Variants in USP35 observed in about 807,000 individuals in gnomAD.
The protein encoded by USP35 is ubiquitin specific peptidase 35, also known as ubiquitin carboxyl-terminal hydrolase 35.
A neutral mutation model predicts 83.8 loss-of-function variants in USP35; 69 were observed. The observed-to-expected ratio is 0.82, with a 90% CI of 0.68 to 1.01. USP35 has a LOEUF of 1.01. USP35 is among the 50% of genes least tolerant of loss of function. The pLI is 0.00. For missense variants in USP35, 1,503 were observed against 1,362.5 expected (o/e 1.10, Z -1.62); for synonymous variants, 714 against 589.5 (o/e 1.21, Z -3.06).
chr11:78,221,992 T>A, the USP35 span: 2 of 770,558 alleles, frequency 2.6e-6, no homozygotes, highest in Non-Finnish European at 4.7e-6. Flanking sequence ...GATCAGCTAA[T>A]GATAGCGTTA....
downstream of USP35, chr11:78,219,193 G>A (rs1277903224): frequency 1.5e-6 from 2 of 1,349,666 alleles, no homozygotes; most frequent in African/African-American, 1.4e-5. Context: ...ATGGGAGGAA[G>A]AACGGGAGAG....
intron 10 of USP35, among the ~76,000 whole-genome samples, chr11:78,211,996 C>T (rs1863798883): frequency 2.6e-5 from 4 of 152,098 alleles, no homozygotes; most frequent in Admixed American, 2.6e-4. Context: ...TTTGATGTTT[C>T]CATCATTAAA....
the USP35 span, among the ~76,000 whole-genome samples, chr11:78,233,656 G>A: frequency 6.6e-6 from 1 of 152,112 alleles, no homozygotes; most frequent in Non-Finnish European, 1.5e-5. Flanking sequence ...GCCCAAGCTA[G>A]AGTGCAGTGG....
At chr11:78,221,921 G>A in the USP35 span, 6 of 683,900 alleles carry the variant, frequency 8.8e-6, no homozygotes, top group African/African-American at 8.9e-5. Context: ...ATCTGATATA[G>A]GGCAGGTATA....
chr11:78,215,883 A>G (rs1364429907), downstream of USP35: 1 of 152,714 alleles, frequency 6.5e-6, no homozygotes, highest in African/African-American at 2.4e-5. Context: ...TGCTGGGCCG[A>G]GATGTCCCCA....
chr11:78,197,168 G>T (rs1257376777), intron 2 of USP35, among the ~76,000 whole-genome samples: 1 of 143,742 alleles, frequency 7.0e-6, no homozygotes, highest in African/African-American at 2.5e-5. Flanking sequence ...GTGTGAAAAG[G>T]ATACGGGTCA....
At chr11:78,233,678 C>T in the USP35 span, among the ~76,000 whole-genome samples, 1 of 152,198 alleles carries the variant, frequency 6.6e-6, no homozygotes, top group Non-Finnish European at 1.5e-5. Context: ...GCCATCTTGG[C>T]TCACTGCAAC....
the USP35 span, chr11:78,220,268 C>T: frequency 1.2e-6 from 2 of 1,605,354 alleles, no homozygotes; most frequent in Non-Finnish European, 1.7e-6. Flanking sequence ...ATGATCTCTG[C>T]CTCCGGGACC....
chr11:78,222,186 G>A, the USP35 span: 3 of 1,612,948 alleles, frequency 1.9e-6, no homozygotes, highest in South Asian at 1.1e-5. Flanking sequence ...GTCAAGTGGT[G>A]TTGGCTTTGC....
Position 78,200,788 on chromosome 11 carries a change from C to T in USP35, c.1177C>T (p.Pro393Ser). The T allele has an allele frequency of 2.5e-6, 4 of 1,611,866 alleles. No homozygotes were observed. The highest frequency in any genetic ancestry group is 3.4e-6 in the Non-Finnish European group (4 of 1,178,502). ...CCCGGGCTTCCCGGATCTGTATGAGCCTGTCATGGAGGCCATCAAGGTGAG... is the reference window on the plus strand; with the variant it reads ...CCCGGGCTTCCCGGATCTGTATGAGTCTGTCATGGAGGCCATCAAGGTGAG... ...RFPGFPDLYEPVMEAIKDLHV... is the reference protein window; with the variant it reads ...RFPGFPDLYESVMEAIKDLHV... The change falls in exon 6 of 11, where the codon CCT (proline) becomes TCT (serine). Residue 393 changes from proline to serine, a missense_variant. Physicochemically the swap from Pro to Ser is moderately conservative, Grantham distance 74. Transcript: ENST00000529308.
intron 1 of USP35, among the ~76,000 whole-genome samples, chr11:78,192,179 A>G (rs1244859822): frequency 6.6e-6 from 1 of 152,188 alleles, no homozygotes; most frequent in East Asian, 1.9e-4. Flanking sequence ...ATGACTTTGA[A>G]GCAGAAAACC....
Position 78,210,250 on chromosome 11 carries a change from C to T in USP35, c.2395C>T (p.Gln799Ter). 1 of 1,614,152 alleles carries T rather than the reference C, an allele frequency of 6.2e-7. No homozygotes were observed. The highest frequency in any genetic ancestry group is 8.5e-7 in the Non-Finnish European group (1 of 1,180,024). The part of the protein sequence containing the change: ...QDAEKVVELS[Q>*]GPCYLILTLL... ...TGCCGAGAAGGTGGTGGAGCTGAGC[C>T]AAGGGCCGTGCTACCTCATCCTCAC... is the stretch of plus-strand genomic sequence containing the variant. The change falls in exon 10 of 11, where the codon CAA (glutamine) becomes TAA (stop). Residue 799 changes from glutamine to a stop codon, truncating the protein, a stop_gained. Transcript: ENST00000529308. LOFTEE classifies it high-confidence loss of function.
chr11:78,198,627 G>A (rs1863231674), intron 3 of USP35: 2 of 985,406 alleles, frequency 2.0e-6, no homozygotes, highest in Non-Finnish European at 2.4e-6. Context: ...GCCTCCCTCT[G>A]CCATTCTTTC....
rs1309002927 is a variant in USP35 at position 78,213,847 on chromosome 11, C to T, written c.*34C>T. On this transcript the variant is annotated 3_prime_UTR_variant, in exon 11 of 11. Transcript: ENST00000529308. The stretch of plus-strand genomic sequence containing the variant: ...TGCTGCCAACCTGACCCCTTCCCTC[C>T]AGGAGCCAGGTAGGGCCTGAGGGAA... 5.9e-6 allele frequency: 9 copies of T among 1,532,194 alleles called. No individual in the cohort carries two copies. The highest frequency in any genetic ancestry group is 1.7e-4 in the Middle Eastern group (1 of 5,806). The allele number at this position is 1,532,194 out of a possible 1,614,324, so 94.9% of individuals were successfully genotyped here.
chr11:78,220,273 G>C, the USP35 span: 1 of 1,607,888 alleles, frequency 6.2e-7, no homozygotes, highest in Non-Finnish European at 8.5e-7. Flanking sequence ...CTCTGCCTCC[G>C]GGACCCTGAG....
rs559594394 is a variant in USP35 at position 78,200,665 on chromosome 11, C to T, written c.1054C>T (p.Pro352Ser). The change falls in exon 6 of 11, where the codon CCC becomes TCC. Residue 352 changes from proline to serine, a missense_variant. Coordinates refer to ENST00000529308, the MANE Select transcript of USP35 (RefSeq NM_020798.4). ...EAFHLLLPHI[P>S]PMVASLVKED... ...GCTCCCACAGCTCCTCCCTCACATC[C>T]CCCCCATGGTGGCCTCTCTGGTCAA... 3.1e-6 allele frequency: 5 copies of T among 1,611,104 alleles called. No individual in the cohort carries two copies. In the Admixed American group the frequency reaches 5.0e-5, roughly 16 times the overall value.
intron 1 of USP35, among the ~76,000 whole-genome samples, chr11:78,193,618 G>C (rs554800364): frequency 5.3e-5 from 8 of 152,176 alleles, no homozygotes; most frequent in African/African-American, 1.9e-4. Flanking sequence ...TCAAGGCAAG[G>C]ACTTTGCTTC....
At chr11:78,198,664 C>G in intron 3 of USP35, 2 of 985,434 alleles carry the variant, frequency 2.0e-6, no homozygotes, top group Non-Finnish European at 2.4e-6. Context: ...CCACCGTCTT[C>G]GTAGGGCCTT....
intron 1 of USP35, among the ~76,000 whole-genome samples, chr11:78,192,621 G>A (rs1863037783): frequency 6.6e-6 from 1 of 152,190 alleles, no homozygotes; most frequent in Non-Finnish European, 1.5e-5. Flanking sequence ...GCCAGGCTAC[G>A]GACTGAGCAG....
Sources: gnomAD v4.1 joint callset for allele counts (sites outside exome capture counted in the v4.1 genomes callset) on GRCh38, gnomAD v4.1.1 for gene constraint, MANE v1.5 for transcripts, NCBI Gene and HGNC (gene_info 2026-07-23, HGNC 2026-07-21) for gene names.